The following SLC25A28 variants were observed in gnomAD, a reference collection of about 807,000 sequenced individuals.
SLC25A28 encodes solute carrier family 25 member 28.
A neutral mutation model predicts 31.9 loss-of-function variants in SLC25A28; 10 were observed. The observed-to-expected ratio is 0.31, with a 90% CI of 0.19 to 0.53. The LOEUF (loss-of-function observed/expected upper bound fraction) is 0.53, where lower values mean the gene tolerates loss of function less well. SLC25A28 is among the 20% of genes least tolerant of loss of function. The pLI is 0.95. For synonymous variants in SLC25A28, 208 were observed against 203.6 expected, an observed-to-expected ratio of 1.02 and a Z score of -0.19; for missense variants, 256 against 490.3, an observed-to-expected ratio of 0.52 and a Z score of 4.51.
chr10:99,627,421 G>A, the SLC25A28 span, among the ~76,000 whole-genome samples: 1 of 149,820 alleles, frequency 6.7e-6, no homozygotes, highest in Non-Finnish European at 1.5e-5. Flanking sequence ...CTTTATTTAT[G>A]TATTTGTTTA....
the SLC25A28 span, chr10:99,652,186 G>A: frequency 6.6e-6 from 1 of 152,226 alleles, no homozygotes; most frequent in Non-Finnish European, 1.5e-5. Flanking sequence ...TACAACAGCA[G>A]GTTCTTTTCT....
At chr10:99,616,936 G>T in intron 1 of SLC25A28, 1 of 981,314 alleles carries the variant, frequency 1.0e-6, no homozygotes, top group Middle Eastern at 5.2e-4. Context: ...CAAGATCACT[G>T]AATACTTATT....
the SLC25A28 span, among the ~76,000 whole-genome samples, chr10:99,650,636 C>T: frequency 6.6e-6 from 1 of 151,604 alleles, no homozygotes; most frequent in African/African-American, 2.4e-5. Context: ...AATCCGCTCA[C>T]ATCTCAGTCA....
the SLC25A28 span, among the ~76,000 whole-genome samples, chr10:99,647,240 C>T: frequency 1.3e-3 from 191 of 152,304 alleles, no homozygotes; most frequent in African/African-American, 4.4e-3. Flanking sequence ...AATCTCCATA[C>T]TGTTTTCCAT....
chr10:99,623,953 T>C (rs1407100304), upstream of SLC25A28, among the ~76,000 whole-genome samples: 1 of 152,234 alleles, frequency 6.6e-6, no homozygotes, highest in African/African-American at 2.4e-5. Flanking sequence ...TCTGTGATGA[T>C]AAATGATGTT....
chr10:99,618,493 C>A (rs2034707736), intron 1 of SLC25A28: 1 of 985,264 alleles, frequency 1.0e-6, no homozygotes. Context: ...GGATATACGG[C>A]ATTATTAACT....
chr10:99,617,732 C>T (rs992869269), intron 1 of SLC25A28: 37 of 985,308 alleles, frequency 3.8e-5, no homozygotes, highest in African/African-American at 8.7e-5. Context: ...AATAAGCTTT[C>T]GTATTGTTGA....
rs767400798 is a variant in SLC25A28, at chr10:99,613,724, G to T, written c.492C>A (p.His164Gln). The change falls in exon 2 of 4, where the codon CAC becomes CAA. Residue 164 changes from histidine (H) to glutamine (Q), a missense_variant. His to Gln is a conservative substitution (Grantham distance 24, BLOSUM62 0). Around this residue, in one of 4 missense-constraint regions of SLC25A28, gnomAD observed 158 missense variants for 379.1 expected, o/e 0.42. Transcript: ENST00000370495. This position sits in a 1 kb window ranked among gnomAD's most constrained non-coding sequence, Gnocchi z 4.9. ...TGGCAATATGGCTATTGCCCCCAGG[G>T]TGGATTACATCACTCAATGTCTTTT... ...KLKKTLSDVIHPGGNSHIANG... is the reference protein window; with the variant it reads ...KLKKTLSDVIQPGGNSHIANG... The T allele has an allele frequency of 4.3e-6, 7 of 1,614,234 alleles. No individual in the cohort carries two copies. The Admixed American group carries it at 1.2e-4, about 27-fold the overall frequency.
At chr10:99,615,010 A>C (rs1430733812) in intron 1 of SLC25A28, among the ~76,000 whole-genome samples, 1 of 152,228 alleles carries the variant, frequency 6.6e-6, no homozygotes, top group Admixed American at 6.5e-5. Flanking sequence ...GCCCAAGTAC[A>C]GTTTAAATTT....
chr10:99,639,172 A>G, the SLC25A28 span, among the ~76,000 whole-genome samples: 272 of 152,176 alleles, frequency 1.8e-3, 1 homozygote, highest in Admixed American at 5.8e-3. Flanking sequence ...GAGTGAACCA[A>G]TGGCATTTGC....
At chr10:99,628,902 T>C in the SLC25A28 span, among the ~76,000 whole-genome samples, 1 of 152,140 alleles carries the variant, frequency 6.6e-6, no homozygotes, top group Non-Finnish European at 1.5e-5. Flanking sequence ...ACTGAGGAAA[T>C]TGGAACCCTC....
the SLC25A28 span, among the ~76,000 whole-genome samples, chr10:99,625,673 G>A: frequency 6.6e-6 from 1 of 152,160 alleles, no homozygotes. Flanking sequence ...CAGCTTCCCT[G>A]GCAATCAACA....
At chr10:99,627,353 T>C in the SLC25A28 span, among the ~76,000 whole-genome samples, 2 of 152,172 alleles carry the variant, frequency 1.3e-5, no homozygotes, top group East Asian at 3.8e-4. Context: ...TCATGGAGAA[T>C]GGGGTATCCA....
upstream of SLC25A28, chr10:99,620,918 T>G: frequency 1.0e-6 from 1 of 984,780 alleles, no homozygotes; most frequent in Non-Finnish European, 1.2e-6. Flanking sequence ...GCCTTCAACG[T>G]CAAACTGCTG....
At chr10:99,653,890 C>T in the SLC25A28 span, 1 of 152,212 alleles carries the variant, frequency 6.6e-6, no homozygotes, top group Non-Finnish European at 1.5e-5. Flanking sequence ...TCCAGTCAGA[C>T]AGCTGCCAGC....
At chr10:99,640,106 G>A in the SLC25A28 span, among the ~76,000 whole-genome samples, 1 of 152,222 alleles carries the variant, frequency 6.6e-6, no homozygotes, top group African/African-American at 2.4e-5. Context: ...CTATGTGCCA[G>A]CCAATGTAGA....
the SLC25A28 span, among the ~76,000 whole-genome samples, chr10:99,633,529 C>T: frequency 6.6e-6 from 1 of 152,046 alleles, no homozygotes; most frequent in African/African-American, 2.4e-5. Flanking sequence ...AACCCCATGT[C>T]TACTACAAAT....
At chr10:99,622,541 T>C (rs899895917), upstream of SLC25A28, 1 of 575,358 alleles carries the variant, frequency 1.7e-6, no homozygotes, top group Non-Finnish European at 2.2e-6. Context: ...TTTCACTCTT[T>C]TATTCATTGG....
At position 99,620,186 on chromosome 10, in the gene SLC25A28, C is replaced by T. The variant is rs2034752709; in HGVS notation, c.150G>A (p.Arg50=). 2.0e-6 allele frequency: 3 copies of T among 1,490,404 alleles called. No individual in the cohort carries two copies. The highest frequency in any genetic ancestry group is 2.8e-5 in the East Asian group (1 of 35,820). 92.3% of individuals were successfully genotyped at this position (1,490,404 alleles called of 1,614,324 possible). The change falls in exon 1 of 4, where the codon AGG becomes AGA. Residue 50 remains arginine, a synonymous_variant. Coordinates refer to ENST00000370495, the MANE Select transcript of SLC25A28 (RefSeq NM_031212.4). ...GAGGGEAGAC[R]PPVRQDPDSG... is the part of the protein sequence containing the mutation. ...AGTCCGGATCTTGTCGTACCGGGGG[C>T]CTGCAGGCCCCGGCCTCCCCGCCGC...
Sources: gnomAD v4.1 joint callset for allele counts (sites outside exome capture counted in the v4.1 genomes callset) on GRCh38, gnomAD v4.1.1 for gene constraint, gnomAD v4.1.1 regional missense constraint, Gnocchi (gnomAD v3.1) non-coding constraint, MANE v1.5 for transcripts, NCBI Gene and HGNC (gene_info 2026-07-23, HGNC 2026-07-21) for gene names.